Variants in NALF1 observed in about 807,000 individuals in gnomAD.
The protein encoded by NALF1 is family with sequence similarity 155 member A.
In NALF1, 3 loss-of-function variants were observed where a neutral mutation model predicts 48.4. That is an observed-to-expected ratio of 0.06 (90% CI 0.03 to 0.16). The LOEUF (loss-of-function observed/expected upper bound fraction) is 0.16, where lower values mean the gene tolerates loss of function less well. Ranked by LOEUF, NALF1 falls within the 10% of genes least tolerant of loss-of-function variation. The pLI is 1.00. For synonymous variants in NALF1, 262 were observed against 245.7 expected (o/e 1.07, Z -0.62); for missense variants, 526 against 571.5 (o/e 0.92, Z 0.81).
intron 1 of NALF1, among the ~76,000 whole-genome samples, chr13:107,289,645 G>T (rs953669403): frequency 6.6e-6 from 1 of 152,150 alleles, no homozygotes; most frequent in African/African-American, 2.4e-5. Flanking sequence ...CAAATGTGCT[G>T]ATCTTTTCAG....
At chr13:107,833,549 C>A (rs1879804398) in intron 1 of NALF1, among the ~76,000 whole-genome samples, 1 of 152,160 alleles carries the variant, frequency 6.6e-6, no homozygotes, top group Non-Finnish European at 1.5e-5. Flanking sequence ...TCTTGGGTGC[C>A]ATGTTTAAAT....
chr13:107,676,224 C>T (rs1402098219), intron 1 of NALF1, among the ~76,000 whole-genome samples: 2 of 152,188 alleles, frequency 1.3e-5, no homozygotes, highest in East Asian at 3.8e-4. Context: ...TATAACCTTT[C>T]CAGTATATTT....
At chr13:107,612,587 C>A (rs1879262588) in intron 1 of NALF1, among the ~76,000 whole-genome samples, 1 of 152,106 alleles carries the variant, frequency 6.6e-6, no homozygotes, top group Non-Finnish European at 1.5e-5. Flanking sequence ...AGTTGAAGAT[C>A]TCAATAGAAC....
At position 107,213,015 on chromosome 13, in the gene NALF1, G is replaced by C. The variant is rs1358440815; in HGVS notation, c.916-2260C>G. ...CGTTATTCCAGTTAAAATGGGTTCTGAATAGGGAATCGCATCCTGCAGCCA... is the reference window on the plus strand; with the variant it reads ...CGTTATTCCAGTTAAAATGGGTTCTCAATAGGGAATCGCATCCTGCAGCCA... On this transcript the variant is annotated intron_variant, in intron 1 of 2. Transcript: ENST00000375915. Among the ~76,000 whole-genome samples the C allele has an allele frequency of 2.0e-5, 3 of 152,056 alleles. No individual in the cohort carries two copies. In the East Asian group the frequency reaches 5.8e-4, roughly 30 times the overall value.
intron 1 of NALF1, among the ~76,000 whole-genome samples, chr13:107,469,902 C>A (rs1290281318): frequency 6.6e-6 from 1 of 151,702 alleles, no homozygotes; most frequent in Non-Finnish European, 1.5e-5. Flanking sequence ...TGCCACCACG[C>A]CCGGCTAATT....
chr13:107,213,818 G>C (rs922878160), intron 1 of NALF1, among the ~76,000 whole-genome samples: 4 of 152,180 alleles, frequency 2.6e-5, no homozygotes, highest in African/African-American at 9.7e-5. Context: ...TGAAAACTGT[G>C]TTATGTGAAG....
In NALF1 at chr13:107,415,378, AG is replaced by A. The variant is rs202236023; in HGVS notation, c.916-204624del. ...GACAAACCGAGGGCCATAAGGAGAG[AG>A]TTTTTTTTTTTTCTTTTTCTGTGTG... On this transcript the variant is annotated intron_variant, in intron 1 of 2. Transcript: ENST00000375915. 5.7e-3 allele frequency among the ~76,000 whole-genome samples: 809 copies of A among 142,174 alleles called. 8 individuals are homozygous for A. The highest frequency in any genetic ancestry group is 0.02 in the African/African-American group (777 of 39,746). The allele number at this position is 142,174 out of a possible 152,430, so 93.3% of individuals were successfully genotyped here.
intron 1 of NALF1, among the ~76,000 whole-genome samples, chr13:107,608,952 C>T (rs538116308): frequency 4.6e-5 from 7 of 152,240 alleles, no homozygotes; most frequent in East Asian, 1.9e-4. Flanking sequence ...GGGATGGTGC[C>T]GAGTGGGGCA....
At chr13:107,408,422 AT>A (rs1233844993) in intron 1 of NALF1, among the ~76,000 whole-genome samples, 2 of 151,112 alleles carry the variant, frequency 1.3e-5, no homozygotes, top group Admixed American at 6.6e-5. Flanking sequence ...TATACCCACA[AT>A]TTTTTTTTAA....
At chr13:107,773,413 G>T (rs1877634022) in intron 1 of NALF1, among the ~76,000 whole-genome samples, 1 of 152,112 alleles carries the variant, frequency 6.6e-6, no homozygotes, top group Non-Finnish European at 1.5e-5. Flanking sequence ...TATATGGCTA[G>T]ACCTCAAGTT....
At chr13:107,207,251 T>C (rs1879662963) in intron 2 of NALF1, among the ~76,000 whole-genome samples, 1 of 152,204 alleles carries the variant, frequency 6.6e-6, no homozygotes, top group South Asian at 2.1e-4. Context: ...ATATTTTGTA[T>C]GAGATTAAAT....
At chr13:107,739,372 ATAAT>A (rs1450478234) in intron 1 of NALF1, among the ~76,000 whole-genome samples, 1 of 148,286 alleles carries the variant, frequency 6.7e-6, no homozygotes, top group Non-Finnish European at 1.5e-5. Context: ...ATATAAATAT[ATAAT>A]TAAGATAAAA....
chr13:107,321,719 A>G (rs890308594), intron 1 of NALF1, among the ~76,000 whole-genome samples: 6 of 152,118 alleles, frequency 3.9e-5, no homozygotes, highest in Non-Finnish European at 5.9e-5. Flanking sequence ...CATCCTTTCA[A>G]GTGTTTAAAA....
At chr13:107,627,178 A>G (rs1879696203) in intron 1 of NALF1, among the ~76,000 whole-genome samples, 1 of 152,110 alleles carries the variant, frequency 6.6e-6, no homozygotes, top group Admixed American at 6.6e-5. Flanking sequence ...TGAACTCAGG[A>G]AAGTTTTAAT....
chr13:107,336,353 G>T (rs187761835), intron 1 of NALF1, among the ~76,000 whole-genome samples: 29 of 120,630 alleles, frequency 2.4e-4, no homozygotes, highest in Admixed American at 2.2e-3. Flanking sequence ...ACTCTGTCTC[G>T]ATGATGATGA....
In NALF1 at chr13:107,652,037, CTTT is replaced by C. The variant is rs1020986904; in HGVS notation, c.915+213642_915+213644del. Among the ~76,000 whole-genome samples, 12 of 152,138 alleles carry C rather than the reference CTTT, an allele frequency of 7.9e-5. 1 individual carries two copies. The highest frequency in any genetic ancestry group is 5.9e-5 in the Non-Finnish European group (4 of 68,026). On this transcript the variant is annotated intron_variant, in intron 1 of 2. Transcript: ENST00000375915. ...TAAACATGTTTAACTCTATAAATAA[CTTT>C]ATTATGCTTTGCTGAAGAAAATACT...
intron 1 of NALF1, among the ~76,000 whole-genome samples, chr13:107,403,874 T>C (rs1277586338): frequency 6.6e-6 from 1 of 152,204 alleles, no homozygotes; most frequent in East Asian, 1.9e-4. Context: ...AAGATTGTTT[T>C]TGTCCATGGA....
intron 1 of NALF1, among the ~76,000 whole-genome samples, chr13:107,518,612 G>A (rs527678929): frequency 1.2e-4 from 18 of 152,202 alleles, no homozygotes; most frequent in Admixed American, 5.2e-4. Context: ...TTCTCCTTGA[G>A]CTGCCATTTT....
At chr13:107,576,247 T>G (rs917255275) in intron 1 of NALF1, among the ~76,000 whole-genome samples, 1 of 152,202 alleles carries the variant, frequency 6.6e-6, no homozygotes, top group African/African-American at 2.4e-5. Context: ...GCTCTTCTTA[T>G]AGAGGATAAC....
Sources: gnomAD v4.1 joint callset for allele counts (sites outside exome capture counted in the v4.1 genomes callset) on GRCh38, gnomAD v4.1.1 for gene constraint, MANE v1.5 for transcripts, NCBI Gene and HGNC (gene_info 2026-07-23, HGNC 2026-07-21) for gene names.